MTBP: variants seen among roughly 807,000 people sequenced by gnomAD.
MTBP encodes mdm2-binding protein.
In MTBP, 101 loss-of-function variants were observed where a neutral mutation model predicts 117.0. That is an observed-to-expected ratio of 0.86 (90% confidence interval 0.73 to 1.02). The LOEUF (loss-of-function observed/expected upper bound fraction) is 1.02, where lower values mean the gene tolerates loss of function less well. Ranked by LOEUF, MTBP falls within the 50% of genes least tolerant of loss-of-function variation. MTBP has a pLI of 0.00. For missense variants in MTBP, 970 were observed against 1,030.9 expected, an observed-to-expected ratio of 0.94 and a Z score of 0.81; for synonymous variants, 350 against 351.5, an observed-to-expected ratio of 1.00 and a Z score of 0.05.
At chr8:120,477,636 A>T (rs1024283193) in intron 11 of MTBP, among the ~76,000 whole-genome samples, 1 of 152,226 alleles carries the variant, frequency 6.6e-6, no homozygotes, top group African/African-American at 2.4e-5. Context: ...TATGCAGCCA[A>T]TAAACATATG....
intron 8 of MTBP, among the ~76,000 whole-genome samples, chr8:120,460,187 T>TA (rs940872040): frequency 1.3e-5 from 2 of 152,158 alleles, no homozygotes; most frequent in Non-Finnish European, 2.9e-5. Flanking sequence ...TTAAGTAACT[T>TA]ACTATGGCCA....
intron 14 of MTBP, 119 bp downstream of exon 14, chr8:120,497,673 AATAG>A: frequency 1.6e-6 from 1 of 637,836 alleles, no homozygotes. Flanking sequence ...TTTAAATAAT[AATAG>A]ATACTTATAT....
At chr8:120,516,387 T>G (rs1295836495) in intron 18 of MTBP, among the ~76,000 whole-genome samples, 196 bp downstream of exon 18, 13 of 152,066 alleles carry the variant, frequency 8.5e-5, no homozygotes, top group Non-Finnish European at 8.8e-5. Flanking sequence ...TTGCTTTATA[T>G]GCTAATATAC....
At chr8:120,460,736 C>G (rs1308347854) in intron 8 of MTBP, among the ~76,000 whole-genome samples, 1 of 152,076 alleles carries the variant, frequency 6.6e-6, no homozygotes, top group Non-Finnish European at 1.5e-5. Context: ...ACCACTCAGC[C>G]TAAGTTCATC....
intron 4 of MTBP, chr8:120,452,695 T>C (rs1276237564): frequency 6.6e-6 from 1 of 151,860 alleles, no homozygotes; most frequent in African/African-American, 2.4e-5. Context: ...CCGGGCGTGG[T>C]GGCAGGTGTC....
intron 10 of MTBP, among the ~76,000 whole-genome samples, chr8:120,469,934 A>C (rs1230842694): frequency 6.6e-6 from 1 of 152,216 alleles, no homozygotes; most frequent in Admixed American, 6.5e-5. Flanking sequence ...ATTAGTGATC[A>C]TGTATTTCAT....
At position 120,516,143 on chromosome 8, in the gene MTBP, G is replaced by T. The variant is rs376379256; in HGVS notation, c.2198G>T (p.Arg733Leu). ...AATGAACTTCGAACTGAAGTATCCCGATTGAAACGGAGATCTAAAGATCTG... is the reference window on the plus strand; with the variant it reads ...AATGAACTTCGAACTGAAGTATCCCTATTGAAACGGAGATCTAAAGATCTG... ...LQNELRTEVS[R>L]LKRRSKDLNC... is the part of the protein sequence containing the mutation. Residue 733 changes from arginine (R) to leucine (L), a missense_variant, in exon 18 of 22, where the codon CGA (arginine) becomes CTA (leucine). By Grantham distance (102) the Arg-to-Leu change is moderately radical. Coordinates refer to ENST00000305949, the MANE Select transcript of MTBP (RefSeq NM_022045.5). 6.2e-7 allele frequency: 1 copy of T among 1,612,376 alleles called. No homozygotes were observed.
intron 10 of MTBP, among the ~76,000 whole-genome samples, chr8:120,465,443 T>C (rs1226528773): frequency 6.6e-6 from 1 of 152,168 alleles, no homozygotes; most frequent in Non-Finnish European, 1.5e-5. Context: ...TGAAATGTAT[T>C]TTATAAACTA....
Position 120,461,140 on chromosome 8 carries a change from C to A in MTBP, c.883-21C>A, listed in dbSNP as rs762921509. 3.4e-6 allele frequency: 5 copies of A among 1,471,404 alleles called. No individual in the cohort carries two copies. In the Admixed American group the frequency reaches 8.5e-5, roughly 25 times the overall value. 91.1% of individuals were successfully genotyped at this position (1,471,404 alleles called of 1,614,324 possible). ...TTGTTTATGGTATTTAAATATTACA[C>A]AATTTTAATTTCTTTTCTAGGTTTT... On this transcript the variant is annotated intron_variant, in intron 8 of 21. Transcript: ENST00000305949.
intron 13 of MTBP, among the ~76,000 whole-genome samples, chr8:120,495,781 T>A (rs1293428910): frequency 6.6e-6 from 1 of 152,124 alleles, no homozygotes; most frequent in Non-Finnish European, 1.5e-5. Flanking sequence ...TATCAAAGCA[T>A]CCTGTACTTA....
In MTBP at chr8:120,451,273, T is replaced by A. The variant is rs769386367; in HGVS notation, c.376T>A (p.Cys126Ser). 2.5e-6 allele frequency: 4 copies of A among 1,613,284 alleles called. No individual in the cohort carries two copies. The highest frequency in any genetic ancestry group is 3.4e-6 in the Non-Finnish European group (4 of 1,179,512). Reference sequence around the variant, plus strand: ...CGAAGAATGTTTGGGTGCTGTTGAGTGTTTTGAAGAAGAAGACAGTAATAG... The same window carrying A: ...CGAAGAATGTTTGGGTGCTGTTGAGAGTTTTGAAGAAGAAGACAGTAATAG... The part of the protein sequence containing the change: ...NIEECLGAVE[C>S]FEEEDSNSRE... Residue 126 changes from cysteine (C) to serine (S), a missense_variant, in exon 4 of 22, where the codon TGT (cysteine) becomes AGT (serine). Transcript: ENST00000305949.
intron 2 of MTBP, among the ~76,000 whole-genome samples, chr8:120,446,745 C>T (rs951449266): frequency 1.3e-5 from 2 of 152,040 alleles, no homozygotes; most frequent in Admixed American, 6.6e-5. Flanking sequence ...TTGAATTTTG[C>T]TCCTTTTATG....
In MTBP at chr8:120,517,910, A is replaced by G. The variant is rs764759088; in HGVS notation, c.2306A>G (p.His769Arg). 1 of 1,611,512 alleles carries G rather than the reference A, an allele frequency of 6.2e-7. No homozygotes were observed. The highest frequency in any genetic ancestry group is 1.1e-5 in the South Asian group (1 of 91,012). The change falls in exon 19 of 22, where the codon CAC (histidine) becomes CGC (arginine). Residue 769 changes from histidine (H) to arginine (R), a missense_variant. By Grantham distance (29) the His-to-Arg change is conservative. Transcript: ENST00000305949. ...TCTCAGACAACTGGTAATAGTAATCACTATCATCATCATGTGACATCCAGA... is the reference window on the plus strand; with the variant it reads ...TCTCAGACAACTGGTAATAGTAATCGCTATCATCATCATGTGACATCCAGA... ...LLSQTTGNSN[H>R]YHHHVTSRKP...
At chr8:120,493,364 TTAA>T (rs1168129661) in intron 13 of MTBP, among the ~76,000 whole-genome samples, 1 of 152,180 alleles carries the variant, frequency 6.6e-6, no homozygotes. Context: ...TTCTTAATCA[TTAA>T]GGTCAATATG....
At chr8:120,459,504 C>A (rs1053148149) in intron 8 of MTBP, among the ~76,000 whole-genome samples, 155 bp downstream of exon 8, 1 of 152,104 alleles carries the variant, frequency 6.6e-6, no homozygotes, top group African/African-American at 2.4e-5. Context: ...TATACTATGT[C>A]ATCAACATTA....
chr8:120,516,190 A>C lies in MTBP; in HGVS notation c.2245A>C (p.Arg749=). Residue 749 remains arginine (R), a splice_region_variant and synonymous_variant, in exon 18 of 22, where the codon AGA becomes CGA. Coordinates refer to ENST00000305949, the MANE Select transcript of MTBP (RefSeq NM_022045.5). ...TCTGAATTGCCTTTATCCCAGAAAA[A>C]GGTGATATATTACATGCACATAAAT... ...KDLNCLYPRK[R]LVKSESSESL... 1 of 1,607,714 alleles carries C rather than the reference A, an allele frequency of 6.2e-7. No homozygotes were observed. The highest frequency in any genetic ancestry group is 8.5e-7 in the Non-Finnish European group (1 of 1,175,274).
At chr8:120,488,024 A>G (rs1030587616) in intron 11 of MTBP, 135 bp from the exon 12 acceptor site, 1 of 564,292 alleles carries the variant, frequency 1.8e-6, no homozygotes, top group Non-Finnish European at 2.9e-6. Context: ...ATGAACAACT[A>G]CTAGCCCTGA....
Position 120,445,499 on chromosome 8 carries a change from G to T in MTBP, c.29G>T (p.Trp10Leu), listed in dbSNP as rs751411748. 3.1e-6 allele frequency: 5 copies of T among 1,613,288 alleles called. No individual in the cohort carries two copies. The highest frequency in any genetic ancestry group is 4.2e-6 in the Non-Finnish European group (5 of 1,179,634). Residue 10 changes from tryptophan to leucine, a missense_variant, in exon 1 of 22, where the codon TGG becomes TTG. Transcript: ENST00000305949. ...GATCGGTACCTGCTGCTGGTGATCT[G>T]GGGGGAAGGAAAATTCCCGTCGGCG... MDRYLLLVIWGEGKFPSAAS... is the reference protein window; with the variant it reads MDRYLLLVILGEGKFPSAAS...
chr8:120,477,642 A>T (rs541881698), intron 11 of MTBP, among the ~76,000 whole-genome samples: 75 of 152,272 alleles, frequency 4.9e-4, no homozygotes, highest in African/African-American at 1.8e-3. Flanking sequence ...GCCAATAAAC[A>T]TATGAAAAAA....
Sources: allele counts gnomAD v4.1 joint callset (sites outside exome capture counted in the v4.1 genomes callset), GRCh38; gene constraint gnomAD v4.1.1; transcripts MANE v1.5; gene names NCBI Gene and HGNC (gene_info 2026-07-23, HGNC 2026-07-21).